Variants in DGKB observed in about 807,000 individuals in gnomAD.
DGKB encodes the protein diacylglycerol kinase beta, also known as 90 kDa diacylglycerol kinase.
DGKB carries 67 observed loss-of-function variants against 114.3 expected under a neutral mutation model. The ratio of observed to expected loss-of-function variants is 0.59; its 90% CI spans 0.48 to 0.72. The LOEUF (loss-of-function observed/expected upper bound fraction) is 0.72, where lower values mean the gene tolerates loss of function less well. DGKB is among the 30% of genes least tolerant of loss of function. The pLI, the probability that DGKB is intolerant of heterozygous loss-of-function variation, is 0.00. For missense variants in DGKB, 907 were observed against 975.2 expected, an observed-to-expected ratio of 0.93 and a Z score of 0.93; for synonymous variants, 398 against 323.1, an observed-to-expected ratio of 1.23 and a Z score of -2.49.
chr7:14,265,315 A>ATTTTTTTTTTTTTTTTTT (rs1178230744), intron 23 of DGKB, among the ~76,000 whole-genome samples: 4 of 40,510 alleles, frequency 9.9e-5, no homozygotes, highest in African/African-American at 7.4e-4. Flanking sequence ...TTTCTCTTGC[A>ATTTTTTTTTTTTTTTTTT]TTCTTTTTTT....
intron 23 of DGKB, among the ~76,000 whole-genome samples, chr7:14,253,029 T>C (rs534594739): frequency 9.2e-4 from 140 of 151,946 alleles, no homozygotes; most frequent in Non-Finnish European, 1.7e-3. Flanking sequence ...TAAATGATTG[T>C]TTAAATTCAT....
At chr7:14,657,383 A>G (rs1158673454) in intron 13 of DGKB, among the ~76,000 whole-genome samples, 5 of 151,896 alleles carry the variant, frequency 3.3e-5, no homozygotes, top group African/African-American at 7.2e-5. Context: ...CTTTTTGCCT[A>G]TCATTACTAT....
chr7:14,661,395 G>T (rs923442250), intron 13 of DGKB, among the ~76,000 whole-genome samples: 13 of 142,448 alleles, frequency 9.1e-5, no homozygotes, highest in African/African-American at 2.6e-4. Flanking sequence ...GTGGGCGAAG[G>T]ACATGAACAG....
At chr7:14,358,799 A>G (rs1412124191) in intron 21 of DGKB, among the ~76,000 whole-genome samples, 1 of 152,214 alleles carries the variant, frequency 6.6e-6, no homozygotes, top group Non-Finnish European at 1.5e-5. Flanking sequence ...AATGAAATAA[A>G]AGAGGTCACA....
Position 14,872,442 on chromosome 7 carries a change from T to C in DGKB, c.-188+30150A>G, listed in dbSNP as rs1186141148. The stretch of plus-strand genomic sequence containing the variant: ...GAAAACTATTTGTCAACACCTGCTC[T>C]AGAATTGCAGAATTTACAGAAAGTA... On this transcript the variant is annotated intron_variant, in intron 1 of 25. Coordinates refer to ENST00000402815, the MANE Select transcript of DGKB (RefSeq NM_001350709.2). Among the ~76,000 whole-genome samples, 15 of 152,330 alleles carry C rather than the reference T, an allele frequency of 9.8e-5. No homozygotes were observed. The East Asian group carries it at 2.9e-3, about 29-fold the overall frequency.
chr7:14,842,269 C>T (rs969779008), intron 1 of DGKB, among the ~76,000 whole-genome samples: 25 of 152,326 alleles, frequency 1.6e-4, no homozygotes, highest in Admixed American at 1.5e-3. Flanking sequence ...CTTCTACAGA[C>T]AAGACTCATT....
chr7:14,857,737 G>A (rs984160758), intron 1 of DGKB, among the ~76,000 whole-genome samples: 2 of 151,760 alleles, frequency 1.3e-5, no homozygotes, highest in Non-Finnish European at 2.9e-5. Flanking sequence ...ATATATAGGG[G>A]TTTTTCATAT....
At chr7:14,773,888 C>T (rs1218434669) in intron 2 of DGKB, among the ~76,000 whole-genome samples, 5 of 151,520 alleles carry the variant, frequency 3.3e-5, no homozygotes, top group African/African-American at 9.8e-5. Context: ...ACCCACATTG[C>T]CTTTTAAGTG....
intron 23 of DGKB, among the ~76,000 whole-genome samples, chr7:14,225,223 C>T (rs1790600956): frequency 6.6e-6 from 1 of 152,070 alleles, no homozygotes; most frequent in South Asian, 2.1e-4. Flanking sequence ...CTTCCCTTCG[C>T]AAAACCTCTG....
chr7:14,512,911 A>G (rs1397321166), intron 20 of DGKB, among the ~76,000 whole-genome samples: 1 of 152,102 alleles, frequency 6.6e-6, no homozygotes, highest in African/African-American at 2.4e-5. Context: ...ACTCTCTTCT[A>G]TATTCCTTCC....
At chr7:14,551,444 T>C (rs568423352) in intron 20 of DGKB, among the ~76,000 whole-genome samples, 2 of 152,332 alleles carry the variant, frequency 1.3e-5, no homozygotes, top group East Asian at 1.9e-4. Flanking sequence ...TTACAATTCT[T>C]ATTGCCTTGC....
chr7:14,831,066 T>G (rs1846351937), intron 2 of DGKB, among the ~76,000 whole-genome samples: 1 of 151,922 alleles, frequency 6.6e-6, no homozygotes, highest in Non-Finnish European at 1.5e-5. Flanking sequence ...TCATTCTTCC[T>G]GGATAAATAT....
intron 1 of DGKB, among the ~76,000 whole-genome samples, chr7:14,850,493 G>A (rs1015234367): frequency 6.6e-6 from 1 of 152,102 alleles, no homozygotes; most frequent in Non-Finnish European, 1.5e-5. Context: ...AAGTCTGTGA[G>A]GGCCAAAATT....
chr7:14,594,331 G>A (rs1023467322), intron 17 of DGKB, among the ~76,000 whole-genome samples: 1 of 151,854 alleles, frequency 6.6e-6, no homozygotes, highest in Non-Finnish European at 1.5e-5. Flanking sequence ...CATAAGTTAT[G>A]TGTGTACTGA....
At chr7:14,863,951 T>C (rs1851347135) in intron 1 of DGKB, among the ~76,000 whole-genome samples, 2 of 151,758 alleles carry the variant, frequency 1.3e-5, no homozygotes, top group African/African-American at 4.8e-5. Flanking sequence ...AATACAAAAT[T>C]AGCCAGGCGT....
intron 21 of DGKB, among the ~76,000 whole-genome samples, chr7:14,381,704 G>C (rs989696133): frequency 9.2e-5 from 14 of 152,134 alleles, no homozygotes; most frequent in African/African-American, 3.4e-4. Flanking sequence ...GCACTCGTGG[G>C]CTCAAGTGCA....
intron 23 of DGKB, among the ~76,000 whole-genome samples, chr7:14,216,725 C>CAAAAAAAAAAAA (rs755191130): frequency 2.0e-5 from 1 of 50,352 alleles, no homozygotes; most frequent in Non-Finnish European, 4.0e-5. Context: ...GACTCCGTCT[C>CAAAAAAAAAAAA]AAAAAAAAAA....
At chr7:14,605,582 A>G (rs1254168434) in intron 17 of DGKB, among the ~76,000 whole-genome samples, 1 of 151,828 alleles carries the variant, frequency 6.6e-6, no homozygotes, top group Non-Finnish European at 1.5e-5. Context: ...TTACAGTTAC[A>G]TACATTACTT....
intron 2 of DGKB, among the ~76,000 whole-genome samples, chr7:14,810,433 T>C (rs1294179189): frequency 2.6e-5 from 4 of 152,194 alleles, no homozygotes; most frequent in Non-Finnish European, 4.4e-5. Context: ...CACAAATGTG[T>C]TCTGCAAATG....
Sources: allele counts gnomAD v4.1 joint callset (sites outside exome capture counted in the v4.1 genomes callset), GRCh38; gene constraint gnomAD v4.1.1; transcripts MANE v1.5; gene names NCBI Gene and HGNC (gene_info 2026-07-23, HGNC 2026-07-21).